ARID3C: variants seen among roughly 807,000 people sequenced by gnomAD.
ARID3C encodes the protein AT-rich interactive domain-containing protein 3C.
A neutral mutation model predicts 37.9 loss-of-function variants in ARID3C; 42 were observed. The ratio of observed to expected loss-of-function variants is 1.11; its 90% CI spans 0.87 to 1.43. The LOEUF (loss-of-function observed/expected upper bound fraction) is 1.43. Among genes scored for constraint, ARID3C ranks in the 40% most tolerant of loss-of-function variants. The pLI is 0.00. For missense variants in ARID3C, 581 were observed against 548.8 expected (o/e 1.06, Z -0.59); for synonymous variants, 213 against 228.0 (o/e 0.93, Z 0.59).
chr9:34,621,605 G>C, intron 6 of ARID3C, 47 bp from the exon 8 acceptor site: 1 of 1,387,902 alleles, frequency 7.2e-7, no homozygotes, highest in Non-Finnish European at 9.9e-7. Context: ...CAAGCAGGAG[G>C]GGGTAGGGTA....
chr9:34,624,189 T>G, intron 2 of ARID3C, 142 bp from the exon 4 acceptor site: 2 of 1,003,516 alleles, frequency 2.0e-6, no homozygotes, highest in Non-Finnish European at 2.8e-6. Flanking sequence ...CCAGGGTCTC[T>G]GTTTTAGCAA....
intron 6 of ARID3C, among the ~76,000 whole-genome samples, chr9:34,621,806 CT>C (rs1820567625): frequency 6.6e-6 from 1 of 152,124 alleles, no homozygotes; most frequent in African/African-American, 2.4e-5. Flanking sequence ...CAGACATCCC[CT>C]GGTACTCATG....
intron 3 of ARID3C, 68 bp downstream of exon 4, chr9:34,623,795 GA>G: frequency 6.6e-7 from 1 of 1,504,682 alleles, no homozygotes; most frequent in Non-Finnish European, 8.9e-7. Context: ...CCCGCCCGGG[GA>G]CCCTCCCCCC....
chr9:34,629,855 T>G (rs1254294236), upstream of ARID3C, among the ~76,000 whole-genome samples: 3 of 151,976 alleles, frequency 2.0e-5, no homozygotes, highest in East Asian at 5.8e-4. Context: ...CAGGTTCAAG[T>G]GATTCTACTG....
At chr9:34,628,974 G>A, upstream of ARID3C, among the ~76,000 whole-genome samples, 1 of 151,978 alleles carries the variant, frequency 6.6e-6, no homozygotes, top group South Asian at 2.1e-4. The surrounding 1 kb of genome is among the most constrained non-coding windows in gnomAD (Gnocchi z 5.2). Context: ...TGCTCCGCCC[G>A]CCTCCCAGGC....
chr9:34,626,224 C>A (rs1820652639), intron 1 of ARID3C, among the ~76,000 whole-genome samples: 1 of 152,198 alleles, frequency 6.6e-6, no homozygotes, highest in Admixed American at 6.5e-5. Flanking sequence ...CTGATTCATT[C>A]ATGCAAGGAC....
At chr9:34,622,296 C>T (rs1317612637) in intron 5 of ARID3C, 51 bp downstream of exon 6, 1 of 1,572,554 alleles carries the variant, frequency 6.4e-7, no homozygotes, top group Non-Finnish European at 8.6e-7. Flanking sequence ...ATGGGTCAAT[C>T]CTCCCTCAGT....
upstream of ARID3C, among the ~76,000 whole-genome samples, chr9:34,629,583 G>C (rs890604459): frequency 1.3e-5 from 2 of 152,190 alleles, no homozygotes; most frequent in Non-Finnish European, 2.9e-5. Context: ...GCATGCTGCG[G>C]TTTGCACACA....
In ARID3C at chr9:34,623,580, A is replaced by T; in HGVS notation, c.710T>A (p.Leu237Ter). The change falls in exon 4 of 7, where the codon TTG (leucine) becomes TAG (stop). Residue 237 changes from leucine to a stop codon, truncating the protein, a stop_gained. Transcript: ENST00000378909. LOFTEE classifies it high-confidence loss of function. ...AGCGCCCCGAGGGGGCGGCCCTGCC[A>T]AGCCGAAGAGCGGAGTAGCGGTGTA... 1 of 1,608,532 alleles carries T rather than the reference A, an allele frequency of 6.2e-7. No individual in the cohort carries two copies. The highest frequency in any genetic ancestry group is 1.1e-5 in the South Asian group (1 of 90,752).
chr9:34,622,006 TG>T lies in ARID3C; in HGVS notation c.1138+13del. 3 of 1,613,162 alleles carry T rather than the reference TG, an allele frequency of 1.9e-6. No individual in the cohort carries two copies. The highest frequency in any genetic ancestry group is 2.5e-6 in the Non-Finnish European group (3 of 1,179,186). On this transcript the variant is annotated intron_variant, in intron 6 of 6. Coordinates refer to ENST00000378909, the Ensembl canonical transcript of ARID3C. ...TGACCCCATGCCAGTGTAGACAGCC[TG>T]CAGTACCCATACCAGTGTAGACCAC...
rs769636179 is a variant in ARID3C, at chr9:34,623,757, C to A, written c.576-43G>T. The A allele has an allele frequency of 5.3e-6, 8 of 1,502,526 alleles. No homozygotes were observed. In the East Asian group the frequency reaches 7.3e-5, roughly 14 times the overall value. The allele number at this position is 1,502,526 out of a possible 1,614,324, so 93.1% of individuals were successfully genotyped here. A position where few individuals can be genotyped will look rare whatever the true frequency, so the allele number is the denominator to read the frequency against. On this transcript the variant is annotated intron_variant, in intron 3 of 6. Coordinates refer to ENST00000378909, the Ensembl canonical transcript of ARID3C. ...GCGGTGAGTGTATGGGAGGCTGCAC[C>A]CAGCTGGTCAAGTCCCACAGCCGGA...
At chr9:34,622,978 T>C (rs1820596350) in intron 4 of ARID3C, among the ~76,000 whole-genome samples, 1 of 151,622 alleles carries the variant, frequency 6.6e-6, no homozygotes, top group South Asian at 2.1e-4. Flanking sequence ...AAACCCCGTC[T>C]CTACTAAAAA....
chr9:34,628,608 C>T (rs1367425558), upstream of ARID3C, among the ~76,000 whole-genome samples: 6 of 151,910 alleles, frequency 3.9e-5, no homozygotes, highest in East Asian at 1.2e-3. This position sits in a 1 kb window ranked among gnomAD's most constrained non-coding sequence, Gnocchi z 5.2. Context: ...AGCTCAGAGA[C>T]GGACAGAGAC....
chr9:34,624,170 C>T, intron 2 of ARID3C, 123 bp from the exon 4 acceptor site: 4 of 1,250,412 alleles, frequency 3.2e-6, no homozygotes, highest in Non-Finnish European at 4.3e-6. Context: ...GGGCGGAGCC[C>T]ACAGAACCCC....
At chr9:34,622,172 A>C in intron 5 of ARID3C, 63 bp from the exon 7 acceptor site, 2 of 1,600,212 alleles carry the variant, frequency 1.2e-6, no homozygotes, top group South Asian at 2.2e-5. Context: ...TATTAATAGA[A>C]TTTCCCCCCT....
At chr9:34,627,052 G>T (rs1820665135) in intron 1 of ARID3C, among the ~76,000 whole-genome samples, 1 of 152,186 alleles carries the variant, frequency 6.6e-6, no homozygotes, top group African/African-American at 2.4e-5. Flanking sequence ...ATTCTGAGTT[G>T]CGGAGGAGCC....
chr9:34,632,974 T>C (rs1173550927), upstream of ARID3C, among the ~76,000 whole-genome samples: 1 of 152,010 alleles, frequency 6.6e-6, no homozygotes, highest in Non-Finnish European at 1.5e-5. Flanking sequence ...CAGAATCACC[T>C]GGGAAGGGGT....
chr9:34,629,717 C>G (rs1026907748), upstream of ARID3C, among the ~76,000 whole-genome samples: 4 of 152,146 alleles, frequency 2.6e-5, no homozygotes, highest in African/African-American at 9.7e-5. Context: ...TTTTGACATT[C>G]TATTATGGAA....
At chr9:34,629,912 A>G (rs1052426921), upstream of ARID3C, among the ~76,000 whole-genome samples, 1 of 151,858 alleles carries the variant, frequency 6.6e-6, no homozygotes, top group Non-Finnish European at 1.5e-5. Flanking sequence ...ACAGGCGTCC[A>G]CCACCAGACC....
Sources: allele counts gnomAD v4.1 joint callset (sites outside exome capture counted in the v4.1 genomes callset), GRCh38; gene constraint gnomAD v4.1.1; non-coding constraint Gnocchi (gnomAD v3.1); transcripts MANE v1.5; gene names NCBI Gene and HGNC (gene_info 2026-07-23, HGNC 2026-07-21).